The following MTMR10 variants were observed in gnomAD, a reference collection of about 807,000 sequenced individuals.
MTMR10 encodes the protein myotubularin-related protein 10.
MTMR10 carries 56 observed loss-of-function variants against 88.1 expected under a neutral mutation model. The observed-to-expected ratio is 0.64, with a 90% CI of 0.51 to 0.79. The LOEUF (loss-of-function observed/expected upper bound fraction) is 0.79. MTMR10 is among the 30% of genes least tolerant of loss of function. The pLI, the probability that MTMR10 is intolerant of heterozygous loss-of-function variation, is 0.00. For missense variants in MTMR10, 883 were observed against 924.7 expected (o/e 0.95, Z 0.58); for synonymous variants, 380 against 340.9 (o/e 1.11, Z -1.26).
At chr15:30,929,891 T>C in the MTMR10 span, among the ~76,000 whole-genome samples, 1 of 72,900 alleles carries the variant, frequency 1.4e-5, no homozygotes, top group East Asian at 1.2e-3. Context: ...ATATATATCA[T>C]ATATAATATA....
At chr15:30,920,112 G>C in the MTMR10 span, among the ~76,000 whole-genome samples, 1 of 152,216 alleles carries the variant, frequency 6.6e-6, no homozygotes, top group East Asian at 1.9e-4. Context: ...AAGTACGTAT[G>C]CAAATGAATG....
At chr15:30,955,254 A>G (rs7168344) in intron 9 of MTMR10, among the ~76,000 whole-genome samples, 2,638 of 152,264 alleles carry the variant, frequency 0.017, 80 homozygotes, top group African/African-American at 0.061. Context: ...TGCAGTGCAC[A>G]GAACAAATTA....
At chr15:30,927,702 G>T in the MTMR10 span, 147 of 985,614 alleles carry the variant, frequency 1.5e-4, no homozygotes, top group Middle Eastern at 5.2e-4. Flanking sequence ...CTGGCCAGTG[G>T]TCTTGTGGGG....
intron 5 of MTMR10, among the ~76,000 whole-genome samples, chr15:30,973,896 T>C (rs1595938576): frequency 1.3e-5 from 2 of 152,214 alleles, no homozygotes; most frequent in South Asian, 2.1e-4. Flanking sequence ...CCCGTAATTA[T>C]ATATTTACCT....
chr15:30,972,437 T>C (rs2063548605), intron 5 of MTMR10, among the ~76,000 whole-genome samples: 1 of 152,142 alleles, frequency 6.6e-6, no homozygotes, highest in South Asian at 2.1e-4. Flanking sequence ...CACATGCTTT[T>C]TATATTTTAG....
intron 14 of MTMR10, among the ~76,000 whole-genome samples, chr15:30,945,905 C>G (rs1026158718): frequency 6.6e-6 from 1 of 152,226 alleles, no homozygotes; most frequent in Non-Finnish European, 1.5e-5. Flanking sequence ...CCTCCCACCT[C>G]AGCCTCCCCA....
At chr15:30,949,347 A>G (rs1454019439) in intron 12 of MTMR10, 1 of 152,214 alleles carries the variant, frequency 6.6e-6, no homozygotes, top group Non-Finnish European at 1.5e-5. Flanking sequence ...TGAACTGGAG[A>G]ATCTAGCCAG....
At chr15:30,931,916 T>A in the MTMR10 span, among the ~76,000 whole-genome samples, 1 of 140,732 alleles carries the variant, frequency 7.1e-6, no homozygotes, top group Non-Finnish European at 1.5e-5. Context: ...ATTTTAAGTT[T>A]CCAAGAAAAA....
Position 30,948,472 on chromosome 15 carries a change from CTG to C in MTMR10, c.1208-3_1208-2del. 1 of 1,598,204 alleles carries C rather than the reference CTG, an allele frequency of 6.3e-7. No individual in the cohort carries two copies. The highest frequency in any genetic ancestry group is 1.1e-5 in the South Asian group (1 of 88,640). On this transcript the variant is annotated splice_acceptor_variant and splice_polypyrimidine_tract_variant and intron_variant, in intron 12 of 15. Transcript: ENST00000435680. LOFTEE classifies it high-confidence loss of function. ...CAGCTCAAGTCTCTTCCTTCCTCCT[CTG>C]TTAATAAAATGGAAAGAAAATGATT...
At chr15:30,922,104 TC>T in the MTMR10 span, 6 of 1,184,258 alleles carry the variant, frequency 5.1e-6, no homozygotes, top group Non-Finnish European at 7.1e-6. Flanking sequence ...CAGTTCGGGG[TC>T]CTTGGCCTCA....
the MTMR10 span, chr15:30,930,466 C>T: frequency 3.2e-5 from 48 of 1,501,460 alleles, no homozygotes; most frequent in African/African-American, 4.2e-5. Flanking sequence ...AGCTTTTCTC[C>T]GTCTCGTGAT....
chr15:30,970,677 C>T (rs148264299), intron 5 of MTMR10, among the ~76,000 whole-genome samples: 125 of 152,212 alleles, frequency 8.2e-4, no homozygotes, highest in African/African-American at 2.9e-3. Context: ...ATTCACAGAT[C>T]ATTGATCATG....
intron 1 of MTMR10, 170 bp downstream of exon 1, chr15:30,991,276 TG>T (rs1320528365): frequency 3.4e-6 from 2 of 596,138 alleles, no homozygotes; most frequent in Non-Finnish European, 5.3e-6. Context: ...GCCGAGCCAG[TG>T]GGGGCTCCCG....
At chr15:30,930,801 T>C in the MTMR10 span, 1 of 1,106,158 alleles carries the variant, frequency 9.0e-7, no homozygotes. Flanking sequence ...GCCGAGGGCC[T>C]GGGTTCCTGT....
Position 30,968,425 on chromosome 15 carries a change from C to T in MTMR10, c.475-415G>A, listed in dbSNP as rs559226488. Among the ~76,000 whole-genome samples the T allele has an allele frequency of 1.4e-4, 22 of 152,028 alleles. No individual in the cohort carries two copies. In the East Asian group the frequency reaches 3.3e-3, roughly 23 times the overall value. On this transcript the variant is annotated intron_variant, in intron 5 of 15. Transcript: ENST00000435680. ...ATAAGGCATGAAACTTTAAAGTTTA[C>T]GCCTCATGGATTTAAACATCTAAAT...
At chr15:30,919,688 CG>C in the MTMR10 span, among the ~76,000 whole-genome samples, 1 of 118,622 alleles carries the variant, frequency 8.4e-6, no homozygotes, top group African/African-American at 3.8e-5. Flanking sequence ...GACTCTGTCT[CG>C]GGGAAAAAAA....
the MTMR10 span, chr15:30,928,662 C>G: frequency 1.2e-6 from 2 of 1,613,790 alleles, no homozygotes; most frequent in African/African-American, 2.7e-5. Flanking sequence ...GTCAGGTACT[C>G]CAGTGCCCCT....
intron 12 of MTMR10, chr15:30,949,406 A>C (rs546013280): frequency 1.3e-5 from 2 of 152,332 alleles, no homozygotes; most frequent in African/African-American, 4.8e-5. Flanking sequence ...ATCAGAAAGA[A>C]AAAGGTAAAA....
chr15:30,929,309 C>T, the MTMR10 span: 1 of 1,612,834 alleles, frequency 6.2e-7, no homozygotes, highest in Non-Finnish European at 8.5e-7. Context: ...AGCCTGCGGG[C>T]CTGGGTGGCA....
Sources: allele counts gnomAD v4.1 joint callset (sites outside exome capture counted in the v4.1 genomes callset), GRCh38; gene constraint gnomAD v4.1.1; transcripts MANE v1.5; gene names NCBI Gene and HGNC (gene_info 2026-07-23, HGNC 2026-07-21).